OTOF: variants seen among roughly 807,000 people sequenced by gnomAD.
OTOF encodes the protein fer-1-like family member 2.
A neutral mutation model predicts 236.8 loss-of-function variants in OTOF; 218 were observed. The ratio of observed to expected loss-of-function variants is 0.92; its 90% confidence interval spans 0.82 to 1.03. The LOEUF is 1.03. Ranked by LOEUF, OTOF falls within the 50% of genes least tolerant of loss-of-function variation. OTOF has a pLI of 0.00. For missense variants in OTOF, 2,590 were observed against 2,694.4 expected (o/e 0.96, Z 0.86); for synonymous variants, 1,041 against 1,072.5 (o/e 0.97, Z 0.57).
intron 16 of OTOF, among the ~76,000 whole-genome samples, chr2:26,479,979 G>T (rs1665486109): frequency 6.6e-6 from 1 of 152,252 alleles, no homozygotes; most frequent in Admixed American, 6.5e-5. Context: ...TGTAGGTGGA[G>T]CTGAGGGTTG....
Position 26,476,212 on chromosome 2 carries a change from C to G in OTOF, c.2782G>C (p.Gly928Arg), listed in dbSNP as rs747952633. 3 of 1,609,924 alleles carry G rather than the reference C, an allele frequency of 1.9e-6. No homozygotes were observed. Among genetic ancestry groups the G allele is most frequent in the Non-Finnish European group, 2.5e-6 (3 of 1,179,842 alleles). ...ACCTCCTGGAAGCCACAGGGCAGGC[C>G]GCACAGGAACTCCTTGCGCTGTTTG... ...LSKQRKEFLCGLPCGFQEVKA... is the reference protein window; with the variant it reads ...LSKQRKEFLCRLPCGFQEVKA... Residue 928 changes from glycine to arginine, a missense_variant, in exon 23 of 47, where the codon GGC (glycine) becomes CGC (arginine). Gly to Arg is a moderately radical substitution (Grantham distance 125, BLOSUM62 -2). This residue lies in a region of OTOF where 1,379 missense variants were observed against 1,341.6 expected (regional missense o/e 1.03). Coordinates refer to ENST00000272371, the MANE Select transcript of OTOF (RefSeq NM_194248.3).
rs1227873937 is a variant in OTOF, at chr2:26,473,105, TTGG to T, written c.3733+24_3733+26del. On this transcript the variant is annotated intron_variant, in intron 29 of 46. Transcript: ENST00000272371. The surrounding 1 kb of genome is among the most constrained non-coding windows in gnomAD (Gnocchi z 7.2). Reference sequence around the variant, plus strand: ...TTCCCTGGGGGGCGTGGAGCCAGGCTTGGTGGCAGGGTGGATGTGGCCATACCC... The same window carrying T: ...TTCCCTGGGGGGCGTGGAGCCAGGCTTGGCAGGGTGGATGTGGCCATACCC... 5.0e-6 allele frequency: 8 copies of T among 1,604,688 alleles called. No individual in the cohort carries two copies. The Admixed American group carries it at 8.4e-5, about 17-fold the overall frequency.
At chr2:26,524,370 C>G (rs1196912018) in intron 3 of OTOF, among the ~76,000 whole-genome samples, 1 of 152,096 alleles carries the variant, frequency 6.6e-6, no homozygotes, top group Non-Finnish European at 1.5e-5. Flanking sequence ...TTATCCAGGC[C>G]TGGTGGCATG....
chr2:26,546,166 G>T (rs897032428), intron 1 of OTOF, among the ~76,000 whole-genome samples: 26 of 152,120 alleles, frequency 1.7e-4, no homozygotes, highest in African/African-American at 6.0e-4. Flanking sequence ...AAAAGATAAG[G>T]AAGAGAAACC....
intron 46 of OTOF, among the ~76,000 whole-genome samples, chr2:26,458,843 G>A (rs1379487474): frequency 1.3e-5 from 2 of 152,276 alleles, no homozygotes; most frequent in African/African-American, 2.4e-5. Flanking sequence ...CCTCCCAGAG[G>A]ACATGGCGTG....
chr2:26,555,645 C>T (rs777886183), intron 1 of OTOF, among the ~76,000 whole-genome samples: 4 of 152,102 alleles, frequency 2.6e-5, no homozygotes, highest in Non-Finnish European at 4.4e-5. Context: ...TGGGTTCCTG[C>T]GGAACATCTC....
chr2:26,551,647 C>T (rs867202865), intron 1 of OTOF, among the ~76,000 whole-genome samples: 1 of 152,230 alleles, frequency 6.6e-6, no homozygotes, highest in South Asian at 2.1e-4. Context: ...CCCCACCATC[C>T]CCCAGTGCGT....
At chr2:26,534,303 C>A (rs1667015540) in intron 2 of OTOF, among the ~76,000 whole-genome samples, 1 of 152,190 alleles carries the variant, frequency 6.6e-6, no homozygotes, top group South Asian at 2.1e-4. Flanking sequence ...CACACAGGGC[C>A]TGTGTTAGAG....
At chr2:26,521,638 G>T (rs1249152408) in intron 3 of OTOF, among the ~76,000 whole-genome samples, 4 of 152,236 alleles carry the variant, frequency 2.6e-5, no homozygotes, top group Non-Finnish European at 5.9e-5. Context: ...TAATCACACA[G>T]TGTGCTGAGC....
At chr2:26,480,756 T>C in intron 15 of OTOF, 30 bp downstream of exon 15, 4 of 1,585,128 alleles carry the variant, frequency 2.5e-6, no homozygotes, top group Non-Finnish European at 3.5e-6. Flanking sequence ...CTGGAGGCCC[T>C]GGGGGACAGC....
intron 3 of OTOF, among the ~76,000 whole-genome samples, chr2:26,519,323 C>T (rs1342316866): frequency 6.6e-6 from 1 of 152,190 alleles, no homozygotes; most frequent in Non-Finnish European, 1.5e-5. Flanking sequence ...GGCCCATTTC[C>T]TTGGGAGAGC....
chr2:26,477,461 G>T lies in OTOF; in HGVS notation c.2361C>A (p.Arg787=). The change falls in exon 20 of 47, where the codon CGC becomes CGA. Residue 787 remains arginine, a synonymous_variant. Transcript: ENST00000272371. This position sits in a 1 kb window ranked among gnomAD's most constrained non-coding sequence, Gnocchi z 4.7. ...LADKDQGHSS[R]TRLDRERLKS... is the part of the protein sequence containing the mutation. ...TGAGGCGCTCCCGGTCAAGCCTGGTGCGGGATGAGTGGCCCTGGTCCTTGT... is the reference window on the plus strand; with the variant it reads ...TGAGGCGCTCCCGGTCAAGCCTGGTTCGGGATGAGTGGCCCTGGTCCTTGT... The T allele has an allele frequency of 6.2e-7, 1 of 1,603,500 alleles. No individual in the cohort carries two copies. The highest frequency in any genetic ancestry group is 1.7e-5 in the Admixed American group (1 of 58,748).
At chr2:26,515,253 A>G (rs191083902) in intron 5 of OTOF, among the ~76,000 whole-genome samples, 2 of 152,380 alleles carry the variant, frequency 1.3e-5, no homozygotes, top group East Asian at 3.9e-4. Flanking sequence ...CTAAAGAGCC[A>G]GGAGTCTGAG....
chr2:26,476,225 C>T lies in OTOF; in HGVS notation c.2769G>A (p.Lys923=), dbSNP rs775604885. Reference sequence around the variant, plus strand: ...CACAGGGCAGGCCGCACAGGAACTCCTTGCGCTGTTTGCTGAGGCCCAGCC... The same window carrying T: ...CACAGGGCAGGCCGCACAGGAACTCTTTGCGCTGTTTGCTGAGGCCCAGCC... ...YLWLGLSKQR[K]EFLCGLPCGF... is the part of the protein sequence containing the mutation. Residue 923 remains lysine, a synonymous_variant, in exon 23 of 47, where the codon AAG becomes AAA. Coordinates refer to ENST00000272371, the MANE Select transcript of OTOF (RefSeq NM_194248.3). 1.2e-6 allele frequency: 2 copies of T among 1,609,294 alleles called. No homozygotes were observed. Among genetic ancestry groups the T allele is most frequent in the Non-Finnish European group, 1.7e-6 (2 of 1,179,842 alleles).
chr2:26,517,421 T>C (rs1666561543), intron 4 of OTOF, among the ~76,000 whole-genome samples: 2 of 152,246 alleles, frequency 1.3e-5, no homozygotes, highest in African/African-American at 4.8e-5. Context: ...GAATCCTCAC[T>C]GTGCTAGGCA....
rs773867514 is a variant in OTOF, at chr2:26,463,573, T to TGA, written c.5104-4_5104-3dup. On this transcript the variant is annotated splice_polypyrimidine_tract_variant and splice_region_variant and intron_variant, in intron 40 of 46. Coordinates refer to ENST00000272371, the MANE Select transcript of OTOF (RefSeq NM_194248.3). ...GTCCACCCACAGCTCCAGGCGGCCC[T>TGA]GAGGAAGAGGGTTGTGGCAGATCTC... 1 of 1,598,508 alleles carries TGA rather than the reference T, an allele frequency of 6.3e-7. No homozygotes were observed. Among genetic ancestry groups the TGA allele is most frequent in the African/African-American group, 1.3e-5 (1 of 74,706 alleles).
At chr2:26,471,351 T>G (rs1664967144) in intron 30 of OTOF, among the ~76,000 whole-genome samples, 1 of 152,238 alleles carries the variant, frequency 6.6e-6, no homozygotes, top group Admixed American at 6.5e-5. Flanking sequence ...AGGATGTTTC[T>G]TTGGGTGGCC....
rs1558465779 is a variant in OTOF, at chr2:26,461,246, C to T, written c.5534-216G>A. The stretch of plus-strand genomic sequence containing the variant: ...GCCCCCATGCTTTACTCAGGTCCTT[C>T]TTTCACCCCAGAGGGTCTCTCCTGG... On this transcript the variant is annotated intron_variant, in intron 43 of 46. Coordinates refer to ENST00000272371, the MANE Select transcript of OTOF (RefSeq NM_194248.3). This position sits in a 1 kb window ranked among gnomAD's most constrained non-coding sequence, Gnocchi z 6.2. 1.3e-5 allele frequency among the ~76,000 whole-genome samples: 2 copies of T among 152,208 alleles called. No individual in the cohort carries two copies. The highest frequency in any genetic ancestry group is 2.9e-5 in the Non-Finnish European group (2 of 68,026).
At chr2:26,464,738 T>C in intron 39 of OTOF, 131 bp downstream of exon 39, 1 of 833,510 alleles carries the variant, frequency 1.2e-6, no homozygotes, top group Non-Finnish European at 1.8e-6. Flanking sequence ...GAGCAGAGGG[T>C]CACTAAGACC....
Sources: allele counts gnomAD v4.1 joint callset (sites outside exome capture counted in the v4.1 genomes callset), GRCh38; gene constraint gnomAD v4.1.1; regional missense constraint gnomAD v4.1.1; non-coding constraint Gnocchi (gnomAD v3.1); transcripts MANE v1.5; gene names NCBI Gene and HGNC (gene_info 2026-07-23, HGNC 2026-07-21).